The following PKNOX2 variants were observed in gnomAD, a reference collection of about 807,000 sequenced individuals.
The protein encoded by PKNOX2 is PBX/knotted 1 homeobox 2.
In PKNOX2, 14 loss-of-function variants were observed where a neutral mutation model predicts 53.1. The ratio of observed to expected loss-of-function variants is 0.26; its 90% CI spans 0.17 to 0.41. The LOEUF (loss-of-function observed/expected upper bound fraction) is 0.41, where lower values mean the gene tolerates loss of function less well. Ranked by LOEUF, PKNOX2 falls within the 10% of genes least tolerant of loss-of-function variation. PKNOX2 has a pLI of 1.00. For synonymous variants in PKNOX2, 257 were observed against 242.8 expected, an observed-to-expected ratio of 1.06 and a Z score of -0.54; for missense variants, 496 against 602.8, an observed-to-expected ratio of 0.82 and a Z score of 1.85.
intron 1 of PKNOX2, among the ~76,000 whole-genome samples, chr11:125,219,438 C>CA (rs57107061): frequency 0.015 from 1,937 of 130,426 alleles, 29 homozygotes; most frequent in African/African-American, 0.043. Context: ...AACTCTATCT[C>CA]AAAAAAAAAA....
Position 125,178,707 on chromosome 11 carries a change from A to G in PKNOX2, c.-201+13931A>G, listed in dbSNP as rs549011537. Among the ~76,000 whole-genome samples, 880 of 139,818 alleles carry G rather than the reference A, an allele frequency of 6.3e-3. 82 individuals carry two copies. The highest frequency in any genetic ancestry group is 0.023 in the African/African-American group (833 of 35,796). The allele number at this position is 139,818 out of a possible 152,430, so 91.7% of individuals were successfully genotyped here. A position where few individuals can be genotyped will look rare whatever the true frequency, so the allele number is the denominator to read the frequency against. On this transcript the variant is annotated intron_variant, in intron 1 of 12. Transcript: ENST00000298282. ...GAGAGAGAGAGAGAGAGAAAGAAAG[A>G]AAGAAAGAAAGAGAAAGGAAGGAAG...
chr11:125,322,429 C>T (rs1949569445), intron 2 of PKNOX2, among the ~76,000 whole-genome samples: 1 of 152,150 alleles, frequency 6.6e-6, no homozygotes, highest in South Asian at 2.1e-4. Context: ...ATCATTATGA[C>T]AGTGCTGAGG....
chr11:125,293,954 T>G (rs1434840278), intron 2 of PKNOX2, among the ~76,000 whole-genome samples: 1 of 152,134 alleles, frequency 6.6e-6, no homozygotes, highest in Non-Finnish European at 1.5e-5. Context: ...CAACATTGAT[T>G]GAAGGAGGAA....
intron 1 of PKNOX2, among the ~76,000 whole-genome samples, chr11:125,168,754 A>G (rs977733236): frequency 2.6e-5 from 4 of 152,258 alleles, no homozygotes; most frequent in Admixed American, 1.3e-4. Flanking sequence ...CGTGAATCCA[A>G]CGTGCAACGT....
intron 2 of PKNOX2, among the ~76,000 whole-genome samples, chr11:125,278,255 G>A (rs1946316318): frequency 1.3e-5 from 2 of 151,852 alleles, no homozygotes; most frequent in African/African-American, 4.8e-5. Context: ...GGGAAGCAGG[G>A]AATACACACC....
At chr11:125,257,342 C>T (rs1477542775) in intron 2 of PKNOX2, among the ~76,000 whole-genome samples, 1 of 152,184 alleles carries the variant, frequency 6.6e-6, no homozygotes, top group Non-Finnish European at 1.5e-5. Context: ...TGAGATTGTG[C>T]TGTTGATAGA....
intron 1 of PKNOX2, among the ~76,000 whole-genome samples, chr11:125,184,590 G>A (rs549023798): frequency 2.7e-4 from 41 of 152,312 alleles, no homozygotes; most frequent in African/African-American, 9.1e-4. Flanking sequence ...GTGGAAAGAA[G>A]AAAGCAGCAT....
At chr11:125,324,167 T>C (rs939060517) in intron 2 of PKNOX2, among the ~76,000 whole-genome samples, 1 of 152,144 alleles carries the variant, frequency 6.6e-6, no homozygotes, top group African/African-American at 2.4e-5. Context: ...TCACCCTCTT[T>C]ATAGCTTTTC....
Position 125,402,889 on chromosome 11 carries a change from A to G in PKNOX2, c.588+4827A>G, listed in dbSNP as rs150295025. Among the ~76,000 whole-genome samples the G allele has an allele frequency of 4.6e-5, 7 of 152,310 alleles. No homozygotes were observed. The East Asian group carries it at 1.4e-3, about 29-fold the overall frequency. On this transcript the variant is annotated intron_variant, in intron 7 of 12. Coordinates refer to ENST00000298282, the MANE Select transcript of PKNOX2 (RefSeq NM_001382323.2). ...CTCCACAATAGGATAAACAAACCTC[A>G]GTACAGAGTGGAGAGGACAACAGGA...
At chr11:125,350,728 T>A (rs797009479) in intron 3 of PKNOX2, among the ~76,000 whole-genome samples, 11 of 152,158 alleles carry the variant, frequency 7.2e-5, no homozygotes, top group African/African-American at 2.6e-4. Flanking sequence ...GTCCAGGCCG[T>A]CCTCCGTCTC....
rs1369401253 is a variant in PKNOX2 at position 125,334,589 on chromosome 11, T to G, written c.-23+2664T>G. Reference sequence around the variant, plus strand: ...CAAGTTACGTAACTTAAGTTTTCGTTTTTTTTTTTTTTTCTTTTCATTTTT... The same window carrying G: ...CAAGTTACGTAACTTAAGTTTTCGTGTTTTTTTTTTTTTCTTTTCATTTTT... On this transcript the variant is annotated intron_variant, in intron 3 of 12. Transcript: ENST00000298282. Among the ~76,000 whole-genome samples, 29 of 113,288 alleles carry G rather than the reference T, an allele frequency of 2.6e-4. 1 individual carries two copies. Among genetic ancestry groups the G allele is most frequent in the African/African-American group, 1.7e-3 (28 of 16,468 alleles). The allele number at this position is 113,288 out of a possible 152,430, so 74.3% of individuals were successfully genotyped here. A position where few individuals can be genotyped will look rare whatever the true frequency, so the allele number is the denominator to read the frequency against.
At chr11:125,338,149 A>G (rs1343215927) in intron 3 of PKNOX2, among the ~76,000 whole-genome samples, 1 of 151,544 alleles carries the variant, frequency 6.6e-6, no homozygotes, top group Non-Finnish European at 1.5e-5. Context: ...TCTCTGCCTG[A>G]CCTTCCCCAT....
intron 3 of PKNOX2, among the ~76,000 whole-genome samples, chr11:125,351,034 G>A (rs1005926699): frequency 1.3e-5 from 2 of 152,076 alleles, no homozygotes; most frequent in Non-Finnish European, 2.9e-5. Flanking sequence ...TGAACAAAGC[G>A]CCGCTGCAGG....
At chr11:125,177,850 A>G (rs961307010) in intron 1 of PKNOX2, among the ~76,000 whole-genome samples, 1 of 152,184 alleles carries the variant, frequency 6.6e-6, no homozygotes, top group Non-Finnish European at 1.5e-5. Context: ...TCGCAGAAGC[A>G]GGGGAAGCAG....
At chr11:125,223,658 ATAAACT>A (rs1228138329) in intron 1 of PKNOX2, among the ~76,000 whole-genome samples, 1 of 152,260 alleles carries the variant, frequency 6.6e-6, no homozygotes, top group African/African-American at 2.4e-5. Context: ...AACAAGGTTC[ATAAACT>A]TTAATGCAAA....
intron 2 of PKNOX2, among the ~76,000 whole-genome samples, chr11:125,326,339 G>T (rs1949818302): frequency 1.3e-5 from 2 of 152,208 alleles, no homozygotes; most frequent in Non-Finnish European, 2.9e-5. Context: ...TGGCAGGTGG[G>T]CCAGGGAACT....
intron 2 of PKNOX2, among the ~76,000 whole-genome samples, chr11:125,246,264 T>A (rs1445580207): frequency 6.6e-6 from 1 of 152,160 alleles, no homozygotes; most frequent in African/African-American, 2.4e-5. Flanking sequence ...AGGCATCACA[T>A]GGCAGAAGCA....
At chr11:125,280,864 T>G (rs903345015) in intron 2 of PKNOX2, among the ~76,000 whole-genome samples, 2 of 152,086 alleles carry the variant, frequency 1.3e-5, no homozygotes, top group African/African-American at 4.8e-5. Context: ...CTGTGGTGTA[T>G]AAGGAGTATG....
intron 5 of PKNOX2, among the ~76,000 whole-genome samples, chr11:125,373,645 C>A (rs775996252): frequency 6.6e-6 from 1 of 152,152 alleles, no homozygotes; most frequent in Admixed American, 6.5e-5. Context: ...TGAGAGGCGG[C>A]GCAGCAAGAG....
Sources: gnomAD v4.1 joint callset for allele counts (sites outside exome capture counted in the v4.1 genomes callset) on GRCh38, gnomAD v4.1.1 for gene constraint, MANE v1.5 for transcripts, NCBI Gene and HGNC (gene_info 2026-07-23, HGNC 2026-07-21) for gene names.